MAPK10: variants seen among roughly 807,000 people sequenced by gnomAD.
The protein encoded by MAPK10 is mitogen-activated protein kinase 10, also known as JNK3 alpha protein kinase.
A neutral mutation model predicts 59.3 loss-of-function variants in MAPK10; 25 were observed. That is an observed-to-expected ratio of 0.42 (90% CI 0.31 to 0.59). MAPK10 has a LOEUF of 0.59. Among genes scored for constraint, MAPK10 ranks in the 20% least tolerant of loss-of-function variants. MAPK10 has a pLI of 0.15. For missense variants in MAPK10, 351 were observed against 568.9 expected (o/e 0.62, Z 3.90); for synonymous variants, 190 against 200.5 (o/e 0.95, Z 0.44).
intron 2 of MAPK10, among the ~76,000 whole-genome samples, chr4:86,270,988 A>C (rs147448178): frequency 4.6e-5 from 7 of 152,188 alleles, no homozygotes; most frequent in Admixed American, 1.3e-4. Context: ...TTTACATACA[A>C]ATCTTTTTGT....
chr4:86,125,200 C>T (rs372414305), intron 4 of MAPK10: 3 of 151,460 alleles, frequency 2.0e-5, no homozygotes, highest in African/African-American at 7.3e-5. Flanking sequence ...TTAACCATAA[C>T]AAGCAATTTT....
chr4:86,435,164 A>G (rs569121502), intron 1 of MAPK10, among the ~76,000 whole-genome samples: 1 of 152,156 alleles, frequency 6.6e-6, no homozygotes, highest in Non-Finnish European at 1.5e-5. Context: ...AAAAAAGAAT[A>G]TAAAGGTAGT....
At chr4:86,105,874 T>C (rs1002903898) in intron 5 of MAPK10, among the ~76,000 whole-genome samples, 3 of 152,088 alleles carry the variant, frequency 2.0e-5, no homozygotes, top group Non-Finnish European at 4.4e-5. Flanking sequence ...TTTAAAAGGG[T>C]AAACCTATCC....
Position 86,064,253 on chromosome 4 carries a change from G to A in MAPK10, c.1110+13C>T. The A allele has an allele frequency of 6.2e-7, 1 of 1,613,880 alleles. No individual in the cohort carries two copies. Among genetic ancestry groups the A allele is most frequent in the Non-Finnish European group, 8.5e-7 (1 of 1,179,950 alleles). On this transcript the variant is annotated intron_variant, in intron 11 of 13. Transcript: ENST00000641462. ...TGTTTGTGGAAGCAAAGTAAAGGCA[G>A]CCTATTTCTTACCGCCTCCACTTCG... is the stretch of plus-strand genomic sequence containing the variant.
At chr4:86,531,535 G>A (rs1306979143) in intron 1 of MAPK10, among the ~76,000 whole-genome samples, 2 of 152,166 alleles carry the variant, frequency 1.3e-5, no homozygotes, top group African/African-American at 4.8e-5. Context: ...TTTCTGAAGG[G>A]TGAACTCCCT....
chr4:86,025,549 C>A, intron 13 of MAPK10: 1 of 398,208 alleles, frequency 2.5e-6, no homozygotes, highest in South Asian at 1.3e-4. Flanking sequence ...GTTGTCCAGT[C>A]AATGTGAGAA....
chr4:86,387,017 A>T (rs866743163), intron 1 of MAPK10, among the ~76,000 whole-genome samples: 19 of 152,334 alleles, frequency 1.2e-4, no homozygotes, highest in African/African-American at 4.3e-4. Flanking sequence ...TCTGGGCAAG[A>T]CACCAACAGG....
At chr4:86,276,552 C>T (rs180984539) in intron 2 of MAPK10, among the ~76,000 whole-genome samples, 1 of 152,294 alleles carries the variant, frequency 6.6e-6, no homozygotes, top group East Asian at 1.9e-4. Flanking sequence ...ACATTTCTAG[C>T]TACCTGTTTG....
chr4:86,438,782 C>T (rs900376462), intron 1 of MAPK10, among the ~76,000 whole-genome samples: 4 of 151,460 alleles, frequency 2.6e-5, no homozygotes, highest in African/African-American at 9.7e-5. Context: ...AACCATCAGA[C>T]TACCATGCAA....
At chr4:86,250,660 G>T (rs933996419) in intron 2 of MAPK10, among the ~76,000 whole-genome samples, 1 of 151,974 alleles carries the variant, frequency 6.6e-6, no homozygotes, top group African/African-American at 2.4e-5. Flanking sequence ...TATTTATTAT[G>T]GAATCAAGAA....
chr4:86,250,655 A>C (rs1422971650), intron 2 of MAPK10, among the ~76,000 whole-genome samples: 1 of 152,148 alleles, frequency 6.6e-6, no homozygotes, highest in Non-Finnish European at 1.5e-5. Flanking sequence ...AAACTTATTT[A>C]TTATGGAATC....
intron 1 of MAPK10, among the ~76,000 whole-genome samples, chr4:86,477,520 T>C (rs1015360261): frequency 6.6e-6 from 1 of 152,136 alleles, no homozygotes; most frequent in Non-Finnish European, 1.5e-5. Flanking sequence ...TGACCGATCA[T>C]GTACCCCTAC....
At chr4:86,380,773 A>G (rs1283856205) in intron 1 of MAPK10, among the ~76,000 whole-genome samples, 1 of 151,064 alleles carries the variant, frequency 6.6e-6, no homozygotes, top group African/African-American at 2.4e-5. Context: ...TGAGCCAGAC[A>G]TTTTCAATCC....
chr4:86,344,304 G>C (rs1400942319), intron 2 of MAPK10, among the ~76,000 whole-genome samples: 2 of 152,088 alleles, frequency 1.3e-5, no homozygotes, highest in African/African-American at 4.8e-5. Flanking sequence ...TTTTTTCGTA[G>C]AGTCAGTGTC....
chr4:86,158,354 C>A (rs942582345), intron 4 of MAPK10, among the ~76,000 whole-genome samples: 1 of 151,742 alleles, frequency 6.6e-6, no homozygotes, highest in African/African-American at 2.4e-5. Flanking sequence ...GACTTCTGAC[C>A]TACAGAACTG....
intron 9 of MAPK10, among the ~76,000 whole-genome samples, chr4:86,070,892 T>C (rs1045587351): frequency 2.6e-5 from 4 of 152,150 alleles, no homozygotes; most frequent in Non-Finnish European, 5.9e-5. Flanking sequence ...TTTATAGTCA[T>C]TTGGGTATAT....
Position 86,157,590 on chromosome 4 carries a change from A to G in MAPK10, c.236+1708T>C, listed in dbSNP as rs539091326. On this transcript the variant is annotated intron_variant, in intron 4 of 13. Coordinates refer to ENST00000641462, the MANE Select transcript of MAPK10 (RefSeq NM_138982.4). Reference sequence around the variant, plus strand: ...GAAAAGGTCTGTGGATTTCAGAAGCATGTCTGGGAATGGATGCATTTGACA... The same window carrying G: ...GAAAAGGTCTGTGGATTTCAGAAGCGTGTCTGGGAATGGATGCATTTGACA... Among the ~76,000 whole-genome samples the G allele has an allele frequency of 4.4e-4, 67 of 152,016 alleles. 1 individual carries two copies. The South Asian group carries it at 0.013, about 30-fold the overall frequency.
Position 86,017,441 on chromosome 4 carries a change from C to A in MAPK10, c.1253-71G>T. ...ACCCATCTTAATGCCATTCAGGATT[C>A]AGGGATGGGCAAATACAATAGGGGA... On this transcript the variant is annotated intron_variant, in intron 13 of 13. Coordinates refer to ENST00000641462, the MANE Select transcript of MAPK10 (RefSeq NM_138982.4). This position sits in a 1 kb window ranked among gnomAD's most constrained non-coding sequence, Gnocchi z 4.4. The A allele has an allele frequency of 6.5e-7, 1 of 1,549,198 alleles. No individual in the cohort carries two copies. Among genetic ancestry groups the A allele is most frequent in the East Asian group, 2.3e-5 (1 of 44,358 alleles).
At chr4:86,334,526 A>G (rs80084265) in intron 2 of MAPK10, among the ~76,000 whole-genome samples, 3,949 of 152,204 alleles carry the variant, frequency 0.026, 149 homozygotes, top group African/African-American at 0.081. Flanking sequence ...TTGACCCTGC[A>G]TACTTCTTAA....
Sources: allele counts gnomAD v4.1 joint callset (sites outside exome capture counted in the v4.1 genomes callset), GRCh38; gene constraint gnomAD v4.1.1; non-coding constraint Gnocchi (gnomAD v3.1); transcripts MANE v1.5; gene names NCBI Gene and HGNC (gene_info 2026-07-23, HGNC 2026-07-21).